Variants in GALNTL6 observed in about 807,000 individuals in gnomAD.
The protein encoded by GALNTL6 is polypeptide N-acetylgalactosaminyltransferase like 6, also known as polypeptide N-acetylgalactosaminyltransferase-like 6.
In GALNTL6, 46 loss-of-function variants were observed where a neutral mutation model predicts 73.7. The observed-to-expected ratio is 0.62, with a 90% CI of 0.49 to 0.80. The LOEUF is 0.80. Ranked by LOEUF, GALNTL6 falls within the 30% of genes least tolerant of loss-of-function variation. GALNTL6 has a pLI of 0.00. For missense variants in GALNTL6, 604 were observed against 755.0 expected, an observed-to-expected ratio of 0.80 and a Z score of 2.34; for synonymous variants, 259 against 263.7, an observed-to-expected ratio of 0.98 and a Z score of 0.17.
intron 2 of GALNTL6, among the ~76,000 whole-genome samples, chr4:172,081,688 T>C (rs1731883936): frequency 6.6e-6 from 1 of 152,052 alleles, no homozygotes; most frequent in South Asian, 2.1e-4. Flanking sequence ...ATAAAGGTGT[T>C]GCTAAAATGC....
chr4:172,249,246 G>T (rs1737766340), intron 3 of GALNTL6, among the ~76,000 whole-genome samples: 1 of 152,176 alleles, frequency 6.6e-6, no homozygotes, highest in Admixed American at 6.6e-5. Flanking sequence ...CTCTTGCTAT[G>T]CAAAGATACT....
intron 5 of GALNTL6, among the ~76,000 whole-genome samples, chr4:172,542,890 A>C (rs1485532340): frequency 3.3e-5 from 5 of 152,162 alleles, no homozygotes; most frequent in African/African-American, 1.2e-4. Flanking sequence ...CATGAGTTAG[A>C]GACCAGCCTG....
At chr4:172,359,074 A>C (rs886145851) in intron 5 of GALNTL6, among the ~76,000 whole-genome samples, 1 of 152,192 alleles carries the variant, frequency 6.6e-6, no homozygotes, top group African/African-American at 2.4e-5. Context: ...ATGAAGACAC[A>C]TGCACACAAA....
intron 5 of GALNTL6, among the ~76,000 whole-genome samples, chr4:172,600,178 C>T (rs1190470411): frequency 6.6e-6 from 1 of 152,040 alleles, no homozygotes; most frequent in East Asian, 1.9e-4. Context: ...CGTTGAATTA[C>T]ATCAGCTCTG....
In GALNTL6 at chr4:172,069,443, T is replaced by C. The variant is rs1218157183; in HGVS notation, c.139-160213T>C. ...ATATATAACACACATATAACATATA[T>C]ATGTAATATATAACACACATATAAC... On this transcript the variant is annotated intron_variant, in intron 2 of 12. Coordinates refer to ENST00000506823, the MANE Select transcript of GALNTL6 (RefSeq NM_001034845.3). Among the ~76,000 whole-genome samples, 28 of 90,034 alleles carry C rather than the reference T, an allele frequency of 3.1e-4. 8 individuals carry two copies. The highest frequency in any genetic ancestry group is 4.6e-4 in the Non-Finnish European group (20 of 43,074). The allele number at this position is 90,034 out of a possible 152,430, so 59.1% of individuals were successfully genotyped here.
intron 10 of GALNTL6, among the ~76,000 whole-genome samples, chr4:173,002,042 G>A (rs1317084722): frequency 7.9e-5 from 12 of 152,188 alleles, no homozygotes; most frequent in Non-Finnish European, 1.5e-4. Flanking sequence ...TGAAAACAAG[G>A]ATGGGAAAGA....
At chr4:171,937,802 G>A (rs966728027) in intron 2 of GALNTL6, among the ~76,000 whole-genome samples, 2 of 152,154 alleles carry the variant, frequency 1.3e-5, no homozygotes, top group Non-Finnish European at 2.9e-5. Context: ...CTAGCAGGAA[G>A]AGCCCCAATT....
rs201207793 is a variant in GALNTL6, at chr4:172,577,171, T to A, written c.553+228482T>A. On this transcript the variant is annotated intron_variant, in intron 5 of 12. Transcript: ENST00000506823. ...TCCTGGGTGACCTTAAATAATTGTT[T>A]AATGAATATTTTAATATCCCTGCCC... Among the ~76,000 whole-genome samples the A allele has an allele frequency of 1.6e-4, 25 of 152,274 alleles. 1 individual carries two copies. In the East Asian group the frequency reaches 4.6e-3, roughly 28 times the overall value.
chr4:172,559,459 T>C (rs1179598529), intron 5 of GALNTL6, among the ~76,000 whole-genome samples: 1 of 152,140 alleles, frequency 6.6e-6, no homozygotes, highest in Middle Eastern at 3.2e-3. Flanking sequence ...AGCCAGATAA[T>C]TTTTTTGCCA....
At chr4:172,401,667 A>G (rs1744044480) in intron 5 of GALNTL6, among the ~76,000 whole-genome samples, 1 of 152,106 alleles carries the variant, frequency 6.6e-6, no homozygotes. Flanking sequence ...TACACATACT[A>G]TTTAACATAC....
Position 172,894,759 on chromosome 4 carries a change from T to C in GALNTL6, c.1041+11852T>C, listed in dbSNP as rs372372913. Among the ~76,000 whole-genome samples, 11 of 152,276 alleles carry C rather than the reference T, an allele frequency of 7.2e-5. No individual in the cohort carries two copies. In the South Asian group the frequency reaches 2.3e-3, roughly 32 times the overall value. On this transcript the variant is annotated intron_variant, in intron 8 of 12. Coordinates refer to ENST00000506823, the MANE Select transcript of GALNTL6 (RefSeq NM_001034845.3). Reference sequence around the variant, plus strand: ...ATTTTCTGCCTAAATGATCTGCCCATTGCTGACAATGGGGTGTTGAAGTAT... The same window carrying C: ...ATTTTCTGCCTAAATGATCTGCCCACTGCTGACAATGGGGTGTTGAAGTAT...
chr4:172,473,557 T>C (rs1313398681), intron 5 of GALNTL6, among the ~76,000 whole-genome samples: 1 of 152,216 alleles, frequency 6.6e-6, no homozygotes, highest in Non-Finnish European at 1.5e-5. Flanking sequence ...TGACTAATTG[T>C]CACGGTGATG....
rs551073128 is a variant in GALNTL6, at chr4:172,918,681, C to T, written c.1042-12480C>T. The stretch of plus-strand genomic sequence containing the variant: ...AGGCTGTCCACTAGGTAGACTATAT[C>T]GTGTAATCACCATTCTTGAGTACCT... On this transcript the variant is annotated intron_variant, in intron 8 of 12. Coordinates refer to ENST00000506823, the MANE Select transcript of GALNTL6 (RefSeq NM_001034845.3). 5.3e-5 allele frequency among the ~76,000 whole-genome samples: 8 copies of T among 152,264 alleles called. No homozygotes were observed. The South Asian group carries it at 1.7e-3, about 32-fold the overall frequency.
chr4:172,015,562 T>A (rs1180568690), intron 2 of GALNTL6, among the ~76,000 whole-genome samples: 1 of 152,104 alleles, frequency 6.6e-6, no homozygotes, highest in African/African-American at 2.4e-5. Context: ...TGTTTTGAGA[T>A]GTCGGTTATT....
Position 172,367,255 on chromosome 4 carries a change from T to C in GALNTL6, c.553+18566T>C, listed in dbSNP as rs114859381. Among the ~76,000 whole-genome samples, 721 of 152,308 alleles carry C rather than the reference T, an allele frequency of 4.7e-3. 2 individuals carry two copies. The highest frequency in any genetic ancestry group is 7.5e-3 in the Non-Finnish European group (513 of 68,024). On this transcript the variant is annotated intron_variant, in intron 5 of 12. Coordinates refer to ENST00000506823, the MANE Select transcript of GALNTL6 (RefSeq NM_001034845.3). ...CTCACAGATATGCTGGTTACTTTCT[T>C]CCCATGTTGGTCTTCCTACAAGGAT...
chr4:172,827,733 T>G (rs1177841545), intron 7 of GALNTL6, among the ~76,000 whole-genome samples: 2 of 152,202 alleles, frequency 1.3e-5, no homozygotes, highest in African/African-American at 2.4e-5. Context: ...CTATTCTTGG[T>G]GGTGCACTGC....
intron 5 of GALNTL6, among the ~76,000 whole-genome samples, chr4:172,357,793 A>G (rs1040239459): frequency 1.3e-5 from 2 of 152,118 alleles, no homozygotes; most frequent in Non-Finnish European, 2.9e-5. Flanking sequence ...CTAGTGGAGC[A>G]ATGACGAAAG....
intron 2 of GALNTL6, among the ~76,000 whole-genome samples, chr4:172,020,412 C>A (rs181660702): frequency 6.8e-6 from 1 of 147,992 alleles, no homozygotes. Context: ...ATTGAAAAAG[C>A]TTTAGCAAGA....
chr4:173,005,687 A>G (rs546713401), intron 10 of GALNTL6, among the ~76,000 whole-genome samples: 1 of 152,200 alleles, frequency 6.6e-6, no homozygotes, highest in Non-Finnish European at 1.5e-5. Flanking sequence ...AAGAGAAGCA[A>G]GTGGGAATGG....
Sources: allele counts gnomAD v4.1 joint callset (sites outside exome capture counted in the v4.1 genomes callset), GRCh38; gene constraint gnomAD v4.1.1; transcripts MANE v1.5; gene names NCBI Gene and HGNC (gene_info 2026-07-23, HGNC 2026-07-21).